SLC4A4: variants seen among roughly 807,000 people sequenced by gnomAD.
The protein encoded by SLC4A4 is electrogenic sodium bicarbonate cotransporter 1.
In SLC4A4, 27 loss-of-function variants were observed where a neutral mutation model predicts 111.5. That is an observed-to-expected ratio of 0.24 (90% CI 0.18 to 0.33). The LOEUF is 0.33. Among genes scored for constraint, SLC4A4 ranks in the 10% least tolerant of loss-of-function variants. SLC4A4 has a pLI of 1.00. For synonymous variants in SLC4A4, 443 were observed against 463.4 expected (o/e 0.96, Z 0.57); for missense variants, 909 against 1,315.5 (o/e 0.69, Z 4.78).
intron 16 of SLC4A4, among the ~76,000 whole-genome samples, chr4:71,500,445 T>A (rs1730808879): frequency 6.6e-6 from 1 of 152,170 alleles, no homozygotes; most frequent in Non-Finnish European, 1.5e-5. Flanking sequence ...ATTTTACAGT[T>A]TCAGGTCTTA....
intron 2 of SLC4A4, among the ~76,000 whole-genome samples, chr4:71,099,040 G>A (rs1253361619): frequency 1.3e-5 from 2 of 152,140 alleles, no homozygotes; most frequent in African/African-American, 4.8e-5. Context: ...GACAGTATTA[G>A]ATAGATCATT....
At chr4:71,407,780 TG>T (rs1346848539) in intron 7 of SLC4A4, among the ~76,000 whole-genome samples, 2 of 151,676 alleles carry the variant, frequency 1.3e-5, no homozygotes, top group East Asian at 1.9e-4. Flanking sequence ...AACATTTCAA[TG>T]TTTTTTTTTT....
At chr4:71,443,152 A>ATATATATATAT (rs1724918756) in intron 8 of SLC4A4, among the ~76,000 whole-genome samples, 39 of 113,892 alleles carry the variant, frequency 3.4e-4, no homozygotes, top group African/African-American at 8.3e-4. Context: ...ATATATATAT[A>ATATATATATAT]AATTTTTTGA....
intron 2 of SLC4A4, among the ~76,000 whole-genome samples, chr4:71,239,445 A>G (rs1165417580): frequency 6.6e-6 from 1 of 152,222 alleles, no homozygotes; most frequent in South Asian, 2.1e-4. Context: ...AAGAAGAGCC[A>G]GATACTCTCT....
At chr4:71,515,205 G>T (rs937310910) in intron 16 of SLC4A4, among the ~76,000 whole-genome samples, 28 of 151,764 alleles carry the variant, frequency 1.8e-4, no homozygotes, top group Admixed American at 1.8e-3. Flanking sequence ...GAATTTTTTT[G>T]ATTTTCATCT....
At chr4:71,112,994 C>T (rs1652721738) in intron 2 of SLC4A4, among the ~76,000 whole-genome samples, 1 of 152,094 alleles carries the variant, frequency 6.6e-6, no homozygotes, top group Non-Finnish European at 1.5e-5. Context: ...CTTTACCCTG[C>T]AGTTTGATCT....
At chr4:71,424,536 G>A (rs1206282194) in intron 7 of SLC4A4, among the ~76,000 whole-genome samples, 2 of 152,036 alleles carry the variant, frequency 1.3e-5, no homozygotes, top group East Asian at 1.9e-4. Context: ...AAAGACACAT[G>A]CACACGTATG....
chr4:71,303,312 C>A (rs192455753), intron 3 of SLC4A4, among the ~76,000 whole-genome samples: 62 of 152,218 alleles, frequency 4.1e-4, no homozygotes, highest in African/African-American at 1.1e-3. Context: ...AAAATGTAGC[C>A]CAAATGGCAT....
At chr4:71,363,766 T>C (rs1731009335) in intron 6 of SLC4A4, among the ~76,000 whole-genome samples, 1 of 152,202 alleles carries the variant, frequency 6.6e-6, no homozygotes, top group East Asian at 1.9e-4. Context: ...TTTCCGTTCA[T>C]TTTCATAGCA....
intron 2 of SLC4A4, among the ~76,000 whole-genome samples, chr4:71,120,818 A>G (rs1578498633): frequency 1.3e-5 from 2 of 152,112 alleles, no homozygotes; most frequent in East Asian, 3.9e-4. Flanking sequence ...CTCTGTGCCC[A>G]CTCTGGCTGC....
chr4:71,559,890 G>C (rs765179112), intron 22 of SLC4A4, among the ~76,000 whole-genome samples: 48 of 151,782 alleles, frequency 3.2e-4, no homozygotes, highest in Non-Finnish European at 6.2e-4. Flanking sequence ...TTTCAACTAA[G>C]ACTTTTATAA....
At chr4:71,217,929 C>T (rs1718530097) in intron 1 of SLC4A4, among the ~76,000 whole-genome samples, 1 of 152,200 alleles carries the variant, frequency 6.6e-6, no homozygotes, top group South Asian at 2.1e-4. Context: ...TTGGCTGAAG[C>T]TAGTGAGCTG....
chr4:71,225,350 T>A (rs6820351), intron 1 of SLC4A4, among the ~76,000 whole-genome samples: 2,554 of 144,348 alleles, frequency 0.018, 55 homozygotes, highest in African/African-American at 0.056. Flanking sequence ...AGACTCCGTT[T>A]AAAAAAAAAA....
At chr4:71,379,770 G>T (rs1430352875) in intron 6 of SLC4A4, among the ~76,000 whole-genome samples, 1 of 152,210 alleles carries the variant, frequency 6.6e-6, no homozygotes, top group South Asian at 2.1e-4. Context: ...AGAGTTTGGA[G>T]GGAACGATGA....
intron 6 of SLC4A4, among the ~76,000 whole-genome samples, chr4:71,376,247 G>A (rs1732377176): frequency 6.6e-6 from 1 of 150,588 alleles, no homozygotes; most frequent in African/African-American, 2.4e-5. Flanking sequence ...TGTCACCCAG[G>A]CTGGAGTGCA....
chr4:71,545,309 G>A (rs1020366619), intron 18 of SLC4A4, among the ~76,000 whole-genome samples: 2 of 151,952 alleles, frequency 1.3e-5, no homozygotes, highest in Non-Finnish European at 2.9e-5. Flanking sequence ...GTGACGAACT[G>A]TAACAAGATC....
At chr4:71,230,170 T>C (rs1343151323) in intron 1 of SLC4A4, among the ~76,000 whole-genome samples, 11 of 152,312 alleles carry the variant, frequency 7.2e-5, no homozygotes. Context: ...GAAATGTGTG[T>C]ATGAGTGTAT....
intron 1 of SLC4A4, among the ~76,000 whole-genome samples, chr4:71,230,030 A>G (rs568155065): frequency 3.9e-5 from 6 of 152,240 alleles, no homozygotes; most frequent in Non-Finnish European, 8.8e-5. Flanking sequence ...CAGATTTTAC[A>G]AAACAACAAA....
intron 3 of SLC4A4, among the ~76,000 whole-genome samples, chr4:71,268,249 A>G (rs1722447437): frequency 6.6e-6 from 1 of 152,018 alleles, no homozygotes; most frequent in Non-Finnish European, 1.5e-5. Context: ...ACAATTTTAG[A>G]AGTATAGAAG....
Sources: allele counts gnomAD v4.1 joint callset (sites outside exome capture counted in the v4.1 genomes callset), GRCh38; gene constraint gnomAD v4.1.1; transcripts MANE v1.5; gene names NCBI Gene and HGNC (gene_info 2026-07-23, HGNC 2026-07-21).